The following DAB1 variants were observed in gnomAD, a reference collection of about 807,000 sequenced individuals.
DAB1 encodes the protein disabled homolog 1.
In DAB1, 15 loss-of-function variants were observed where a neutral mutation model predicts 64.6. The ratio of observed to expected loss-of-function variants is 0.23; its 90% CI spans 0.16 to 0.36. DAB1 has a LOEUF of 0.36. DAB1 is among the 10% of genes least tolerant of loss of function. The pLI, the probability that DAB1 is intolerant of heterozygous loss-of-function variation, is 1.00. For missense variants in DAB1, 596 were observed against 706.7 expected (o/e 0.84, Z 1.78); for synonymous variants, 235 against 251.9 (o/e 0.93, Z 0.64).
intron 3 of DAB1, among the ~76,000 whole-genome samples, chr1:57,143,874 C>T (rs918065278): frequency 6.6e-6 from 1 of 150,798 alleles, no homozygotes; most frequent in South Asian, 2.1e-4. Context: ...ATTTCATTGA[C>T]AAAGTCATGT....
intron 3 of DAB1, 92 bp downstream of exon 3, chr1:57,145,198 G>A (rs1207986390): frequency 3.1e-6 from 4 of 1,292,582 alleles, no homozygotes; most frequent in Non-Finnish European, 4.4e-6. Context: ...ACCAATAAAT[G>A]AATAAAGTTA....
At chr1:58,048,268 G>A (rs747234038) in intron 5 of DAB1, 129 of 1,278,040 alleles carry the variant, frequency 1.0e-4, no homozygotes, top group Non-Finnish European at 1.3e-4. Context: ...GGCCTCCACC[G>A]CCATAGGGGC....
At chr1:58,297,321 T>C (rs1662017133) in intron 4 of DAB1, among the ~76,000 whole-genome samples, 1 of 152,166 alleles carries the variant, frequency 6.6e-6, no homozygotes, top group African/African-American at 2.4e-5. Flanking sequence ...CTTGGATAGG[T>C]TGCTTCAAAT....
Position 58,351,351 on chromosome 1 carries a change from A to T in DAB1, n.258-7948T>A, listed in dbSNP as rs375759106. ...CAAATATGTGAAACAGCCCGGAAAG[A>T]TCAAAAGGGATTCATAGGCTCAAAT... is the stretch of plus-strand genomic sequence containing the variant. On this transcript the variant is annotated intron_variant and non_coding_transcript_variant, in intron 3 of 20. Transcript: ENST00000485760. 1.4e-4 allele frequency among the ~76,000 whole-genome samples: 22 copies of T among 152,278 alleles called. No individual in the cohort carries two copies. The East Asian group carries it at 1.7e-3, about 12-fold the overall frequency.
intron 1 of DAB1, among the ~76,000 whole-genome samples, chr1:57,846,979 T>C (rs1653316614): frequency 2.0e-5 from 3 of 152,236 alleles, no homozygotes; most frequent in Admixed American, 2.0e-4. Context: ...AAGCACATGG[T>C]ACTTAACTAA....
chr1:58,506,278 A>T (rs1645989156), intron 2 of DAB1: 7 of 713,750 alleles, frequency 9.8e-6, no homozygotes, highest in Non-Finnish European at 1.4e-5. Flanking sequence ...CTACTACTTT[A>T]TTTTTTTTTA....
chr1:57,003,277 A>G (rs1246446640), intron 14 of DAB1, among the ~76,000 whole-genome samples: 2 of 152,148 alleles, frequency 1.3e-5, no homozygotes, highest in African/African-American at 4.8e-5. Context: ...AGCCAAGTGG[A>G]CTCACAGAAC....
chr1:57,698,929 A>C (rs1439776108), intron 6 of DAB1, among the ~76,000 whole-genome samples: 1 of 152,198 alleles, frequency 6.6e-6, no homozygotes, highest in Non-Finnish European at 1.5e-5. Context: ...TCTTTTTAAA[A>C]AATTATTTAC....
chr1:57,748,854 A>G (rs1358635441), intron 6 of DAB1, among the ~76,000 whole-genome samples: 1 of 152,216 alleles, frequency 6.6e-6, no homozygotes, highest in African/African-American at 2.4e-5. Context: ...TAATGAATGG[A>G]AATCTTTTCA....
chr1:57,921,566 A>G (rs1234706553), intron 5 of DAB1, among the ~76,000 whole-genome samples: 1 of 152,046 alleles, frequency 6.6e-6, no homozygotes, highest in Non-Finnish European at 1.5e-5. Context: ...TTCTCTCTGC[A>G]TAGTAACCAA....
intron 1 of DAB1, among the ~76,000 whole-genome samples, chr1:57,381,234 C>G (rs1313040282): frequency 6.6e-6 from 1 of 152,064 alleles, no homozygotes; most frequent in Non-Finnish European, 1.5e-5. Context: ...TCTGATTTAC[C>G]TTATTTTTCC....
chr1:58,259,244 G>A (rs1013849597), intron 4 of DAB1, among the ~76,000 whole-genome samples: 1 of 152,186 alleles, frequency 6.6e-6, no homozygotes, highest in African/African-American at 2.4e-5. Flanking sequence ...ATGCCCAAAG[G>A]TGATTTAGTG....
At chr1:57,664,816 GA>G (rs1646427389) in intron 6 of DAB1, among the ~76,000 whole-genome samples, 1 of 151,822 alleles carries the variant, frequency 6.6e-6, no homozygotes, top group Non-Finnish European at 1.5e-5. Context: ...ATTTTAAGCA[GA>G]AAAAAATAGG....
intron 2 of DAB1, among the ~76,000 whole-genome samples, chr1:57,285,670 A>T (rs1462475812): frequency 1.3e-5 from 2 of 152,186 alleles, no homozygotes; most frequent in African/African-American, 4.8e-5. Context: ...CAAGGAGGCT[A>T]ATTAACCTGT....
intron 3 of DAB1, among the ~76,000 whole-genome samples, chr1:58,460,733 T>C (rs1433723483): frequency 1.3e-5 from 2 of 152,192 alleles, no homozygotes; most frequent in South Asian, 2.1e-4. Context: ...GTGTGTATAA[T>C]GATTCATGGG....
chr1:58,397,315 G>A (rs1439199538), intron 3 of DAB1, among the ~76,000 whole-genome samples: 1 of 152,186 alleles, frequency 6.6e-6, no homozygotes, highest in Non-Finnish European at 1.5e-5. Flanking sequence ...ATGCAGAAAC[G>A]TTAATTTCCC....
At position 58,055,628 on chromosome 1, in the gene DAB1, G is replaced by A. The variant is rs183732094; in HGVS notation, n.387+94883C>T. 2.8e-3 allele frequency among the ~76,000 whole-genome samples: 427 copies of A among 152,310 alleles called. 5 individuals carry two copies. The highest frequency in any genetic ancestry group is 9.6e-3 in the African/African-American group (398 of 41,560). The stretch of plus-strand genomic sequence containing the variant: ...TACATTTGACCAGTGATGGACATAT[G>A]CTAGATGCTCAGCAAATACATGTTG... On this transcript the variant is annotated intron_variant and non_coding_transcript_variant, in intron 5 of 20. Transcript: ENST00000485760.
chr1:57,322,840 C>T (rs1432527483), intron 1 of DAB1, among the ~76,000 whole-genome samples: 1 of 152,146 alleles, frequency 6.6e-6, no homozygotes, highest in Non-Finnish European at 1.5e-5. Flanking sequence ...TGTTGCACCA[C>T]CTGGAAAGCT....
chr1:57,921,525 G>T (rs1216547066), intron 5 of DAB1, among the ~76,000 whole-genome samples: 1 of 151,954 alleles, frequency 6.6e-6, no homozygotes, highest in Non-Finnish European at 1.5e-5. Flanking sequence ...AGGCCACAAG[G>T]CCAATCCTCA....
Sources: allele counts gnomAD v4.1 joint callset (sites outside exome capture counted in the v4.1 genomes callset), GRCh38; gene constraint gnomAD v4.1.1; transcripts MANE v1.5; gene names NCBI Gene and HGNC (gene_info 2026-07-23, HGNC 2026-07-21).